The following ERBB4 variants were observed in gnomAD, a reference collection of about 807,000 sequenced individuals.
ERBB4 encodes erb-b2 receptor tyrosine kinase 4, also known as receptor tyrosine-protein kinase erbB-4.
ERBB4 carries 42 observed loss-of-function variants against 158.0 expected under a neutral mutation model. The observed-to-expected ratio is 0.27, with a 90% CI of 0.21 to 0.34. The LOEUF is 0.34. ERBB4 is among the 10% of genes least tolerant of loss of function. The pLI is 1.00. For missense variants in ERBB4, 1,333 were observed against 1,624.1 expected (o/e 0.82, Z 3.08); for synonymous variants, 583 against 558.7 (o/e 1.04, Z -0.61).
chr2:211,738,723 A>G (rs1208611778), intron 5 of ERBB4, among the ~76,000 whole-genome samples: 3 of 150,202 alleles, frequency 2.0e-5, no homozygotes, highest in East Asian at 2.0e-4. Flanking sequence ...CTAGAGTGCA[A>G]TGGTGTGATC....
At chr2:212,324,491 T>G (rs1321928750) in intron 1 of ERBB4, among the ~76,000 whole-genome samples, 3 of 149,844 alleles carry the variant, frequency 2.0e-5, no homozygotes, top group African/African-American at 7.3e-5. Flanking sequence ...TTTTGTTTTT[T>G]TTTCCTTTAG....
chr2:212,410,269 A>C (rs1364297204), intron 1 of ERBB4, among the ~76,000 whole-genome samples: 1 of 151,782 alleles, frequency 6.6e-6, no homozygotes, highest in East Asian at 1.9e-4. Context: ...AGTGTGAGTT[A>C]GAGAGTAAAG....
chr2:212,099,735 A>AGT (rs1265680632), intron 2 of ERBB4, among the ~76,000 whole-genome samples: 1 of 61,000 alleles, frequency 1.6e-5, no homozygotes, highest in Non-Finnish European at 3.5e-5. Flanking sequence ...TTTGTTTTAC[A>AGT]GTTTTTTTTT....
At chr2:211,875,050 A>AAAAC (rs66500425) in intron 3 of ERBB4, among the ~76,000 whole-genome samples, 1,552 of 74,750 alleles carry the variant, frequency 0.021, 28 homozygotes, top group Non-Finnish European at 0.035. Flanking sequence ...AAAAAAAAAA[A>AAAAC]CAAACTCAAA....
chr2:211,721,638 TATATATAC>T (rs2074098444), intron 7 of ERBB4, among the ~76,000 whole-genome samples: 1 of 147,840 alleles, frequency 6.8e-6, no homozygotes. Flanking sequence ...TATATATATA[TATATATAC>T]ATGTTTTGTT....
chr2:211,736,973 T>C (rs2074621376), intron 5 of ERBB4, among the ~76,000 whole-genome samples: 1 of 152,156 alleles, frequency 6.6e-6, no homozygotes, highest in African/African-American at 2.4e-5. Flanking sequence ...GTCCTCAACA[T>C]TTACCAAAAA....
intron 1 of ERBB4, among the ~76,000 whole-genome samples, chr2:212,404,709 G>A (rs1344076519): frequency 3.3e-5 from 5 of 151,880 alleles, no homozygotes; most frequent in African/African-American, 9.7e-5. Flanking sequence ...AAGTCAACTC[G>A]TGTCACAGAG....
chr2:212,256,454 G>A (rs1399064391), intron 1 of ERBB4, among the ~76,000 whole-genome samples: 1 of 152,072 alleles, frequency 6.6e-6, no homozygotes, highest in African/African-American at 2.4e-5. Flanking sequence ...CAGAAACAAG[G>A]GACTGTAGAT....
chr2:211,607,070 G>A (rs2069009427), intron 19 of ERBB4, among the ~76,000 whole-genome samples: 1 of 152,102 alleles, frequency 6.6e-6, no homozygotes, highest in Non-Finnish European at 1.5e-5. Context: ...TCTTTGTAGG[G>A]ATAGAAGGAA....
At chr2:211,971,713 G>C (rs998996621) in intron 2 of ERBB4, among the ~76,000 whole-genome samples, 1 of 152,114 alleles carries the variant, frequency 6.6e-6, no homozygotes, top group Admixed American at 6.6e-5. Flanking sequence ...GATCAAGTAG[G>C]CTTCATTTCC....
chr2:211,937,992 A>G (rs935079804), intron 3 of ERBB4, among the ~76,000 whole-genome samples: 4 of 152,204 alleles, frequency 2.6e-5, no homozygotes, highest in African/African-American at 9.7e-5. Flanking sequence ...AAACATATTT[A>G]GAAGCAATGC....
chr2:211,859,271 T>C (rs903360113), intron 3 of ERBB4, among the ~76,000 whole-genome samples: 2 of 152,190 alleles, frequency 1.3e-5, no homozygotes, highest in African/African-American at 4.8e-5. Context: ...AAAATCTCTT[T>C]CTCTAGAAAA....
At chr2:211,644,496 T>C (rs954414752) in intron 16 of ERBB4, among the ~76,000 whole-genome samples, 9 of 151,852 alleles carry the variant, frequency 5.9e-5, no homozygotes, top group Non-Finnish European at 1.2e-4. Flanking sequence ...AACATTGAAA[T>C]AATATAATGC....
intron 1 of ERBB4, among the ~76,000 whole-genome samples, chr2:212,298,388 TA>T (rs1287892949): frequency 1.3e-5 from 2 of 151,796 alleles, no homozygotes; most frequent in Non-Finnish European, 2.9e-5. Flanking sequence ...ACTTTGCTGT[TA>T]GGAATTAAAA....
intron 3 of ERBB4, among the ~76,000 whole-genome samples, chr2:211,877,873 C>T (rs142940179): frequency 0.014 from 2,121 of 152,096 alleles, 51 homozygotes; most frequent in African/African-American, 0.048. Context: ...TTTGGGAGGC[C>T]GAGGCGGGCG....
intron 2 of ERBB4, among the ~76,000 whole-genome samples, chr2:212,045,420 T>C (rs924394137): frequency 2.6e-5 from 4 of 152,226 alleles, no homozygotes; most frequent in African/African-American, 9.6e-5. Flanking sequence ...ATTGTGCCAC[T>C]GCACTCCAGC....
At chr2:211,537,456 T>C (rs2066687398) in intron 20 of ERBB4, among the ~76,000 whole-genome samples, 1 of 152,020 alleles carries the variant, frequency 6.6e-6, no homozygotes, top group African/African-American at 2.4e-5. Flanking sequence ...TAAGAGAATT[T>C]GGAAAGTATT....
At chr2:212,186,097 T>G (rs2082010233) in intron 1 of ERBB4, among the ~76,000 whole-genome samples, 1 of 152,194 alleles carries the variant, frequency 6.6e-6, no homozygotes, top group African/African-American at 2.4e-5. Flanking sequence ...CATTTTGAAG[T>G]AAAATAAATT....
rs568960868 is a variant in ERBB4, at chr2:211,893,009, C to T, written c.421+54421G>A. On this transcript the variant is annotated intron_variant, in intron 3 of 27. Coordinates refer to ENST00000342788, the MANE Select transcript of ERBB4 (RefSeq NM_005235.3). ...CCCAAGGTAATTTACAGATTCAATG[C>T]CATCCCCATAAAGCTACCAAGACTT... Among the ~76,000 whole-genome samples the T allele has an allele frequency of 3.4e-5, 5 of 148,010 alleles. No homozygotes were observed. The East Asian group carries it at 7.7e-4, about 23-fold the overall frequency.
Sources: allele counts gnomAD v4.1 joint callset (sites outside exome capture counted in the v4.1 genomes callset), GRCh38; gene constraint gnomAD v4.1.1; transcripts MANE v1.5; gene names NCBI Gene and HGNC (gene_info 2026-07-23, HGNC 2026-07-21).